AGBL4: variants seen among roughly 807,000 people sequenced by gnomAD.
AGBL4 encodes AGBL carboxypeptidase 4.
A neutral mutation model predicts 66.4 loss-of-function variants in AGBL4; 58 were observed. The ratio of observed to expected loss-of-function variants is 0.87; its 90% CI spans 0.71 to 1.09. AGBL4 has a LOEUF of 1.09. Ranked by LOEUF, AGBL4 falls within the 50% of genes least tolerant of loss-of-function variation. The probability of loss-of-function intolerance (pLI) is 0.00; values close to 1 mark genes in which losing one functional copy is unlikely to be tolerated. For missense variants in AGBL4, 579 were observed against 631.0 expected, an observed-to-expected ratio of 0.92 and a Z score of 0.88; for synonymous variants, 234 against 222.9, an observed-to-expected ratio of 1.05 and a Z score of -0.44.
intron 6 of AGBL4, among the ~76,000 whole-genome samples, chr1:48,723,214 C>A (rs1647179209): frequency 6.6e-6 from 1 of 152,130 alleles, no homozygotes; most frequent in East Asian, 1.9e-4. Flanking sequence ...TGGAAACATT[C>A]TGTGTGGCTT....
intron 5 of AGBL4, among the ~76,000 whole-genome samples, chr1:48,951,634 C>G (rs1656989090): frequency 6.6e-6 from 1 of 152,166 alleles, no homozygotes; most frequent in Non-Finnish European, 1.5e-5. Context: ...AAGAAGATGG[C>G]AGTCTGTGAC....
chr1:48,593,544 G>T (rs999877306), intron 9 of AGBL4, among the ~76,000 whole-genome samples: 2 of 152,160 alleles, frequency 1.3e-5, no homozygotes, highest in African/African-American at 2.4e-5. Flanking sequence ...GAAGTCAGGA[G>T]TTCGAGACCA....
intron 2 of AGBL4, among the ~76,000 whole-genome samples, chr1:49,792,401 A>C (rs1644623636): frequency 6.6e-6 from 1 of 152,108 alleles, no homozygotes; most frequent in South Asian, 2.1e-4. Context: ...ACCAGGAGCA[A>C]ATTATAGATT....
At chr1:49,836,217 C>A (rs1323314514) in intron 2 of AGBL4, among the ~76,000 whole-genome samples, 2 of 152,154 alleles carry the variant, frequency 1.3e-5, no homozygotes, top group African/African-American at 4.8e-5. Context: ...GTATACCAAT[C>A]AAACATAGGT....
chr1:49,172,693 T>C (rs1646760607), intron 4 of AGBL4, among the ~76,000 whole-genome samples: 1 of 152,128 alleles, frequency 6.6e-6, no homozygotes, highest in Non-Finnish European at 1.5e-5. Flanking sequence ...AAGAAGATAG[T>C]AAAAGATGAT....
At chr1:49,813,179 T>G (rs536090822) in intron 2 of AGBL4, among the ~76,000 whole-genome samples, 1 of 152,194 alleles carries the variant, frequency 6.6e-6, no homozygotes, top group South Asian at 2.1e-4. Flanking sequence ...AAATAAACTC[T>G]GAGCCCAGCC....
chr1:50,016,028 A>C (rs1661952745), intron 1 of AGBL4, among the ~76,000 whole-genome samples: 1 of 152,186 alleles, frequency 6.6e-6, no homozygotes, highest in South Asian at 2.1e-4. Context: ...AAAAACCCTA[A>C]AGAAAACTTG....
chr1:49,147,837 G>C (rs936241290), intron 4 of AGBL4, among the ~76,000 whole-genome samples: 1 of 152,010 alleles, frequency 6.6e-6, no homozygotes, highest in Non-Finnish European at 1.5e-5. Context: ...AAGGAGAGGG[G>C]GGGTGACAAA....
chr1:49,534,171 C>CAAAAA (rs71059553), intron 3 of AGBL4, among the ~76,000 whole-genome samples: 5 of 67,032 alleles, frequency 7.5e-5, no homozygotes, highest in Non-Finnish European at 1.0e-4. Context: ...CACCATTTTA[C>CAAAAA]AAAAAAAAAA....
At chr1:48,557,031 C>T (rs1213966032) in intron 11 of AGBL4, among the ~76,000 whole-genome samples, 1 of 152,072 alleles carries the variant, frequency 6.6e-6, no homozygotes, top group East Asian at 1.9e-4. Flanking sequence ...CTCAGGAGAT[C>T]CTCCTACCTC....
rs768298481 is a variant in AGBL4 at position 49,045,766 on chromosome 1, G to A, written c.412C>T (p.Arg138Cys). 2.1e-5 allele frequency: 33 copies of A among 1,551,388 alleles called. No homozygotes were observed. The highest frequency in any genetic ancestry group is 1.2e-4 in the South Asian group (10 of 84,040). The change falls in exon 5 of 14, where the codon CGC becomes TGC. Residue 138 changes from arginine (R) to cysteine (C), a missense_variant. By Grantham distance (180) the Arg-to-Cys change is radical. Coordinates refer to ENST00000371839, the MANE Select transcript of AGBL4 (RefSeq NM_032785.4). Reference protein sequence around the residue: ...RLPPKNVYYYRCPDHRKNYVM... With the variant: ...RLPPKNVYYYCCPDHRKNYVM... ...TAGTTCTTCCTATGGTCCGGGCAGC[G>A]GTAGTAGTAAACATTTTTGGGTGGC...
chr1:49,786,572 A>G (rs1644460195), intron 2 of AGBL4, among the ~76,000 whole-genome samples: 1 of 152,136 alleles, frequency 6.6e-6, no homozygotes, highest in South Asian at 2.1e-4. Context: ...TGAGGTCTCA[A>G]CCAGGGATTT....
chr1:49,645,129 G>A lies in AGBL4; in HGVS notation c.282+52184C>T, dbSNP rs188633166. ...CGTTATTAAAAACGTGTAGCACTCA[G>A]TACCTATATTAGAAATAAGGCCTCA... is the stretch of plus-strand genomic sequence containing the variant. On this transcript the variant is annotated intron_variant, in intron 3 of 13. Coordinates refer to ENST00000371839, the MANE Select transcript of AGBL4 (RefSeq NM_032785.4). Among the ~76,000 whole-genome samples the A allele has an allele frequency of 3.8e-3, 583 of 151,540 alleles. 3 individuals are homozygous for A. The highest frequency in any genetic ancestry group is 6.2e-3 in the Non-Finnish European group (416 of 67,530).
chr1:49,859,416 A>T (rs1436947809), intron 1 of AGBL4, among the ~76,000 whole-genome samples: 1 of 152,208 alleles, frequency 6.6e-6, no homozygotes, highest in African/African-American at 2.4e-5. Flanking sequence ...GGTGTGCAAG[A>T]TCAGTTCAAC....
chr1:48,974,165 C>G (rs534887806), intron 5 of AGBL4, among the ~76,000 whole-genome samples: 1 of 151,928 alleles, frequency 6.6e-6, no homozygotes, highest in South Asian at 2.1e-4. Context: ...GAAAGAAGGA[C>G]GAAAGTTTAG....
At chr1:49,335,219 G>T (rs1056950402) in intron 3 of AGBL4, among the ~76,000 whole-genome samples, 9 of 152,182 alleles carry the variant, frequency 5.9e-5, no homozygotes, top group African/African-American at 1.4e-4. Context: ...AAGCCTATGA[G>T]TCATTTTTTA....
At chr1:49,398,802 A>C (rs1453284785) in intron 3 of AGBL4, among the ~76,000 whole-genome samples, 1 of 152,150 alleles carries the variant, frequency 6.6e-6, no homozygotes, top group Non-Finnish European at 1.5e-5. Flanking sequence ...CAGGATAAAA[A>C]GGGTGTCCAT....
chr1:49,839,114 A>G (rs1056067108), intron 2 of AGBL4, among the ~76,000 whole-genome samples: 4 of 152,246 alleles, frequency 2.6e-5, no homozygotes, highest in African/African-American at 9.6e-5. Context: ...TTTGGGAATG[A>G]AATATTTCAA....
intron 5 of AGBL4, among the ~76,000 whole-genome samples, chr1:48,950,290 G>A (rs186665479): frequency 2.0e-5 from 3 of 152,022 alleles, no homozygotes; most frequent in East Asian, 1.9e-4. Context: ...TAGAAAGGGG[G>A]TGTTTCACCA....
Sources: allele counts gnomAD v4.1 joint callset (sites outside exome capture counted in the v4.1 genomes callset), GRCh38; gene constraint gnomAD v4.1.1; transcripts MANE v1.5; gene names NCBI Gene and HGNC (gene_info 2026-07-23, HGNC 2026-07-21).